Variants in HIGD2B observed in about 807,000 individuals in gnomAD.
HIGD2B encodes HIG1 domain family member 2B.
For missense variants in HIGD2B, 106 were observed against 67.0 expected, an observed-to-expected ratio of 1.58 and a Z score of -2.03; for synonymous variants, 45 against 28.1, an observed-to-expected ratio of 1.60 and a Z score of -1.90.
In HIGD2B at chr15:72,676,115, C is replaced by G; in HGVS notation, c.260G>C (p.Gly87Ala). The G allele has an allele frequency of 1.3e-6, 1 of 765,348 alleles. No homozygotes were observed. The highest frequency in any genetic ancestry group is 1.7e-5 in the Admixed American group (1 of 58,736). The allele number at this position is 765,348 out of a possible 1,614,324, so 47.4% of individuals were successfully genotyped here. A position where few individuals can be genotyped will look rare whatever the true frequency, so the allele number is the denominator to read the frequency against. The change falls in exon 3 of 3, where the codon GGC becomes GCC. Residue 87 changes from glycine (G) to alanine (A), a missense_variant. By Grantham distance (60) the Gly-to-Ala change is moderately conservative. Transcript: ENST00000311755. ...LMMHTQIAAQGFTIAAILLGL... is the reference protein window; with the variant it reads ...LMMHTQIAAQAFTIAAILLGL... ...CAGCAAGATGGCTGCAATGGTGAAGCCCTGGGCGGCGATCTGGGTGTGCAT... is the reference window on the plus strand; with the variant it reads ...CAGCAAGATGGCTGCAATGGTGAAGGCCTGGGCGGCGATCTGGGTGTGCAT...
chr15:72,678,875 T>C (rs2064719219), intron 2 of HIGD2B, among the ~76,000 whole-genome samples: 1 of 151,998 alleles, frequency 6.6e-6, no homozygotes, highest in South Asian at 2.1e-4. Context: ...CGCATGCCTG[T>C]AGTCCCAGCT....
At chr15:72,682,022 G>A (rs1170256320) in intron 1 of HIGD2B, among the ~76,000 whole-genome samples, 1 of 152,130 alleles carries the variant, frequency 6.6e-6, no homozygotes, top group Non-Finnish European at 1.5e-5. Context: ...GATTATAGAC[G>A]CGAGTCACTG....
chr15:72,681,697 C>G (rs1489916935), intron 1 of HIGD2B, among the ~76,000 whole-genome samples: 1 of 151,066 alleles, frequency 6.6e-6, no homozygotes, highest in South Asian at 2.1e-4. Context: ...ACCTCCACCT[C>G]CCGGGTTCAA....
chr15:72,680,134 T>C lies in HIGD2B; in HGVS notation c.-133A>G. 1 of 226,864 alleles carries C rather than the reference T, an allele frequency of 4.4e-6. No individual in the cohort carries two copies. The highest frequency in any genetic ancestry group is 8.7e-6 in the Non-Finnish European group (1 of 115,208). 14.1% of individuals were successfully genotyped at this position (226,864 alleles called of 1,614,324 possible). A position where few individuals can be genotyped will look rare whatever the true frequency, so the allele number is the denominator to read the frequency against. ...AACCAAAGTTTAGGTTTTCTGATCT[T>C]CTTCCCATTCTTACCCAGCTGGTGG... On this transcript the variant is annotated 5_prime_UTR_variant, in exon 2 of 3. Coordinates refer to ENST00000311755, the MANE Select transcript of HIGD2B (RefSeq NM_001350932.3).
intron 2 of HIGD2B, among the ~76,000 whole-genome samples, chr15:72,677,781 A>T (rs970118773): frequency 6.7e-6 from 1 of 149,676 alleles, no homozygotes; most frequent in Non-Finnish European, 1.5e-5. Context: ...AAAAAAAAAT[A>T]AAATAATAAA....
intron 1 of HIGD2B, among the ~76,000 whole-genome samples, chr15:72,681,834 G>A (rs140552333): frequency 3.9e-5 from 6 of 151,980 alleles, no homozygotes; most frequent in African/African-American, 7.2e-5. Context: ...CTCAAACTCC[G>A]GACCTGAAGG....
intron 2 of HIGD2B, among the ~76,000 whole-genome samples, chr15:72,679,757 TA>T (rs1031218658): frequency 3.3e-5 from 5 of 150,984 alleles, no homozygotes; most frequent in African/African-American, 7.3e-5. Context: ...TGGGAAAATA[TA>T]AAAAAAAATG....
intron 2 of HIGD2B, among the ~76,000 whole-genome samples, chr15:72,678,874 G>GT (rs2064719259): frequency 6.6e-6 from 1 of 152,022 alleles, no homozygotes. Context: ...GCGCATGCCT[G>GT]TAGTCCCAGC....
chr15:72,683,659 G>A (rs922695061), intron 1 of HIGD2B, among the ~76,000 whole-genome samples: 1 of 151,978 alleles, frequency 6.6e-6, no homozygotes, highest in Non-Finnish European at 1.5e-5. Context: ...TAGGTAACAT[G>A]ATGAAACCCC....
intron 2 of HIGD2B, among the ~76,000 whole-genome samples, chr15:72,679,388 G>GAGAA (rs2064726044): frequency 6.7e-6 from 1 of 149,210 alleles, no homozygotes; most frequent in Non-Finnish European, 1.5e-5. Context: ...AAGAGAGAGA[G>GAGAA]AGAAAGAAAG....
chr15:72,677,381 A>T (rs549453737), intron 2 of HIGD2B, among the ~76,000 whole-genome samples: 2 of 152,130 alleles, frequency 1.3e-5, no homozygotes, highest in African/African-American at 4.8e-5. Flanking sequence ...AGCTGAGATC[A>T]CACCACTGCC....
At chr15:72,677,606 G>A (rs950657732) in intron 2 of HIGD2B, among the ~76,000 whole-genome samples, 1 of 151,352 alleles carries the variant, frequency 6.6e-6, no homozygotes, top group East Asian at 1.9e-4. Flanking sequence ...TATAAAAAAT[G>A]AAAAAATTAG....
At chr15:72,684,992 C>T (rs1009623373) in intron 1 of HIGD2B, among the ~76,000 whole-genome samples, 1 of 152,040 alleles carries the variant, frequency 6.6e-6, no homozygotes, top group African/African-American at 2.4e-5. Context: ...ACCATGCTGG[C>T]CAAGCTGGAA....
At chr15:72,684,596 T>C (rs560547921) in intron 1 of HIGD2B, among the ~76,000 whole-genome samples, 21 of 152,272 alleles carry the variant, frequency 1.4e-4, no homozygotes, top group African/African-American at 5.1e-4. Context: ...CAAGCAATTC[T>C]CCTGCCTCAG....
chr15:72,681,878 T>C (rs2064754103), intron 1 of HIGD2B, among the ~76,000 whole-genome samples: 1 of 152,108 alleles, frequency 6.6e-6, no homozygotes, highest in Non-Finnish European at 1.5e-5. Flanking sequence ...CTCAAAGTGC[T>C]GGGATTACAG....
chr15:72,685,416 G>A (rs1406247974), intron 1 of HIGD2B, among the ~76,000 whole-genome samples: 2 of 152,130 alleles, frequency 1.3e-5, no homozygotes, highest in African/African-American at 4.8e-5. Context: ...AGAAACGACG[G>A]GCTTAGGTCA....
At chr15:72,679,993 G>C (rs2064731755) in intron 2 of HIGD2B, 22 bp downstream of exon 2, 1 of 335,590 alleles carries the variant, frequency 3.0e-6, no homozygotes, top group Non-Finnish European at 4.9e-6. Flanking sequence ...ACCAACTGCT[G>C]GTCCAAACAT....
intron 2 of HIGD2B, among the ~76,000 whole-genome samples, chr15:72,678,690 G>C (rs1385874028): frequency 6.6e-6 from 1 of 152,090 alleles, no homozygotes; most frequent in Non-Finnish European, 1.5e-5. Context: ...AGAGAAATTA[G>C]AGCAACATGG....
chr15:72,677,063 T>C (rs924678588), intron 2 of HIGD2B, among the ~76,000 whole-genome samples: 1 of 152,228 alleles, frequency 6.6e-6, no homozygotes, highest in African/African-American at 2.4e-5. Flanking sequence ...ATGGGATAAC[T>C]GTAGAAAGGG....
Sources: gnomAD v4.1 joint callset for allele counts (sites outside exome capture counted in the v4.1 genomes callset) on GRCh38, gnomAD v4.1.1 for gene constraint, MANE v1.5 for transcripts, NCBI Gene and HGNC (gene_info 2026-07-23, HGNC 2026-07-21) for gene names.